HDC: variants seen among roughly 807,000 people sequenced by gnomAD.
The protein encoded by HDC is histidine decarboxylase.
Under a neutral mutation model 64.4 loss-of-function variants are expected in HDC, and 27 were observed. The observed-to-expected ratio is 0.42, with a 90% CI of 0.31 to 0.58. The LOEUF (loss-of-function observed/expected upper bound fraction) is 0.58. Ranked by LOEUF, HDC falls within the 20% of genes least tolerant of loss-of-function variation. The pLI is 0.16. For synonymous variants in HDC, 305 were observed against 314.2 expected, an observed-to-expected ratio of 0.97 and a Z score of 0.31; for missense variants, 711 against 833.9, an observed-to-expected ratio of 0.85 and a Z score of 1.81.
At position 50,248,013 on chromosome 15, in the gene HDC, C is replaced by G. The variant is rs1000704339; in HGVS notation, c.1140+232G>C. On this transcript the variant is annotated intron_variant, in intron 10 of 11. Coordinates refer to ENST00000267845, the MANE Select transcript of HDC (RefSeq NM_002112.4). The surrounding 1 kb of genome is among the most constrained non-coding windows in gnomAD (Gnocchi z 4.3). ...CAGTGCTCAGTGACAGCAAGGGGAA[C>G]GGTGAGACACTCAGCAGAGGACAGG... Among the ~76,000 whole-genome samples the G allele has an allele frequency of 6.6e-6, 1 of 152,184 alleles. No individual in the cohort carries two copies. The highest frequency in any genetic ancestry group is 1.5e-5 in the Non-Finnish European group (1 of 68,040).
At position 50,246,806 on chromosome 15, in the gene HDC, A is replaced by G. The variant is rs530302156; in HGVS notation, c.1140+1439T>C. Among the ~76,000 whole-genome samples the G allele has an allele frequency of 4.6e-5, 7 of 152,316 alleles. No individual in the cohort carries two copies. The East Asian group carries it at 1.3e-3, about 29-fold the overall frequency. ...AACCTCCACCAACCATTCCCCGCCC[A>G]CAACCCTCCAGTCTTGAGTCTGCAT... On this transcript the variant is annotated intron_variant, in intron 10 of 11. Coordinates refer to ENST00000267845, the MANE Select transcript of HDC (RefSeq NM_002112.4).
chr15:50,254,149 C>T lies in HDC; in HGVS notation c.701G>A (p.Arg234Gln), dbSNP rs754928207. The change falls in exon 6 of 12, where the codon CGG becomes CAG. Residue 234 changes from arginine (R) to glutamine (Q), a missense_variant. Arg to Gln is a conservative substitution (Grantham distance 43, BLOSUM62 1). Around this residue, in one of 3 missense-constraint regions of HDC, gnomAD observed 483 missense variants for 540.9 expected, o/e 0.89. Coordinates refer to ENST00000267845, the MANE Select transcript of HDC (RefSeq NM_002112.4). ...LQKAIEEDKQ[R>Q]GLVPVFVCAT... The stretch of plus-strand genomic sequence containing the variant: ...ACTTACAAAGACGGGCACCAAGCCC[C>T]GCTGCTTGTCTTCCTCGATGGCCTT... 19 of 1,614,106 alleles carry T rather than the reference C, an allele frequency of 1.2e-5. No individual in the cohort carries two copies. The highest frequency in any genetic ancestry group is 8.3e-5 in the Admixed American group (5 of 60,008).
chr15:50,258,078 A>G (rs2045655635), intron 3 of HDC, among the ~76,000 whole-genome samples: 1 of 152,146 alleles, frequency 6.6e-6, no homozygotes, highest in African/African-American at 2.4e-5. Flanking sequence ...ATAGGCATCA[A>G]ATTGCTTAGG....
At chr15:50,249,560 ACT>A (rs778944569) in intron 9 of HDC, among the ~76,000 whole-genome samples, 21 of 152,096 alleles carry the variant, frequency 1.4e-4, no homozygotes, top group Admixed American at 1.3e-3. Context: ...TCCAAGCAAA[ACT>A]CTGTTGTGCT....
At chr15:50,260,776 C>T (rs1001113772) in intron 2 of HDC, among the ~76,000 whole-genome samples, 1 of 152,166 alleles carries the variant, frequency 6.6e-6, no homozygotes. Flanking sequence ...GACAGGTGAC[C>T]GCAATGAGGC....
In HDC at chr15:50,243,198, G is replaced by T. The variant is rs2045427395; in HGVS notation, c.1187C>A (p.Pro396His). Reference sequence around the variant, plus strand: ...CCTCTTGGCAGGAATTTCAAAGGAAGGGTCGTTTCTGACCAGAGATTCAAA... The same window carrying T: ...CCTCTTGGCAGGAATTTCAAAGGAATGGTCGTTTCTGACCAGAGATTCAAA... Reference protein sequence around the residue: ...KYFESLVRNDPSFEIPAKRHL... With the variant: ...KYFESLVRNDHSFEIPAKRHL... The change falls in exon 11 of 12, where the codon CCT becomes CAT. Residue 396 changes from proline (P) to histidine (H), a missense_variant. Pro to His is a moderately conservative substitution (Grantham distance 77). Transcript: ENST00000267845. 2 of 1,613,956 alleles carry T rather than the reference G, an allele frequency of 1.2e-6. No homozygotes were observed. The highest frequency in any genetic ancestry group is 1.3e-5 in the African/African-American group (1 of 74,920).
chr15:50,254,485 A>G, intron 5 of HDC, 45 bp downstream of exon 5: 2 of 1,613,810 alleles, frequency 1.2e-6, no homozygotes, highest in Non-Finnish European at 1.7e-6. Context: ...AGATTCCAGA[A>G]GCCAAGCACC....
intron 2 of HDC, among the ~76,000 whole-genome samples, chr15:50,259,602 CT>C (rs956882609): frequency 2.0e-5 from 3 of 152,178 alleles, no homozygotes; most frequent in African/African-American, 7.2e-5. Flanking sequence ...GCTGTGTCCC[CT>C]GATAGAAAGG....
At chr15:50,258,367 T>C in intron 3 of HDC, 37 bp downstream of exon 3, 3 of 1,165,900 alleles carry the variant, frequency 2.6e-6, no homozygotes, top group Non-Finnish European at 3.9e-6. Context: ...CCCTGCTACG[T>C]TCCCCATTGC....
chr15:50,251,518 C>A (rs1244547547), intron 9 of HDC, among the ~76,000 whole-genome samples: 1 of 152,204 alleles, frequency 6.6e-6, no homozygotes, highest in Admixed American at 6.5e-5. Context: ...CCACTCTGCT[C>A]TGCTGCCTCC....
At chr15:50,253,884 A>G in intron 6 of HDC, 1 of 641,196 alleles carries the variant, frequency 1.6e-6, no homozygotes, top group Non-Finnish European at 2.8e-6. Flanking sequence ...TTCATAAAAC[A>G]ATACATACTC....
intron 3 of HDC, 78 bp downstream of exon 3, chr15:50,258,326 A>C: frequency 1.3e-6 from 1 of 788,414 alleles, no homozygotes; most frequent in South Asian, 1.4e-5. Flanking sequence ...TCAGAAACCA[A>C]GACAAAATAT....
chr15:50,257,997 G>A (rs533786397), intron 3 of HDC, among the ~76,000 whole-genome samples: 138 of 151,494 alleles, frequency 9.1e-4, no homozygotes, highest in African/African-American at 3.3e-3. Context: ...TGCTTAAGGG[G>A]TTATTAAGGG....
intron 2 of HDC, among the ~76,000 whole-genome samples, chr15:50,261,077 T>A (rs1253015684): frequency 6.6e-6 from 1 of 152,086 alleles, no homozygotes; most frequent in African/African-American, 2.4e-5. Flanking sequence ...ATTATCACTG[T>A]CCTTAGTGAC....
At chr15:50,258,880 G>T (rs928291714) in intron 2 of HDC, among the ~76,000 whole-genome samples, 7 of 152,000 alleles carry the variant, frequency 4.6e-5, no homozygotes, top group Non-Finnish European at 1.0e-4. Context: ...GGAAGGGCAG[G>T]CCGGGTGCGG....
intron 3 of HDC, 22 bp downstream of exon 3, chr15:50,258,382 A>G: frequency 2.2e-6 from 3 of 1,364,784 alleles, no homozygotes; most frequent in Non-Finnish European, 3.1e-6. Context: ...CATTGCGAGT[A>G]GTTACAGCCG....
chr15:50,265,331 G>A (rs2045753265), intron 1 of HDC, among the ~76,000 whole-genome samples: 1 of 152,134 alleles, frequency 6.6e-6, no homozygotes, highest in South Asian at 2.1e-4. Context: ...GTGGGAAAGT[G>A]GGGAGGAAAA....
intron 2 of HDC, among the ~76,000 whole-genome samples, chr15:50,262,830 T>C (rs1416900589): frequency 6.6e-6 from 1 of 152,112 alleles, no homozygotes; most frequent in African/African-American, 2.4e-5. Flanking sequence ...AGTCTCTGGC[T>C]CCGTCGTCAG....
intron 4 of HDC, among the ~76,000 whole-genome samples, chr15:50,256,409 GACA>G (rs977557022): frequency 6.6e-6 from 1 of 152,140 alleles, no homozygotes; most frequent in Non-Finnish European, 1.5e-5. Context: ...TATTTTTTGA[GACA>G]AGGTCTTACA....
Sources: gnomAD v4.1 joint callset for allele counts (sites outside exome capture counted in the v4.1 genomes callset) on GRCh38, gnomAD v4.1.1 for gene constraint, gnomAD v4.1.1 regional missense constraint, Gnocchi (gnomAD v3.1) non-coding constraint, MANE v1.5 for transcripts, NCBI Gene and HGNC (gene_info 2026-07-23, HGNC 2026-07-21) for gene names.